The following ZCCHC4 variants were observed in gnomAD, a reference collection of about 807,000 sequenced individuals.
ZCCHC4 encodes rRNA N(6)-adenosine-methyltransferase ZCCHC4.
Under a neutral mutation model 67.7 loss-of-function variants are expected in ZCCHC4, and 54 were observed. The ratio of observed to expected loss-of-function variants is 0.80; its 90% CI spans 0.64 to 1.00. The LOEUF is 1.00. ZCCHC4 is among the 50% of genes least tolerant of loss of function. The pLI is 0.00. For synonymous variants in ZCCHC4, 198 were observed against 213.5 expected, an observed-to-expected ratio of 0.93 and a Z score of 0.63; for missense variants, 609 against 617.0, an observed-to-expected ratio of 0.99 and a Z score of 0.14.
intron 3 of ZCCHC4, among the ~76,000 whole-genome samples, chr4:25,318,672 C>A (rs953936083): frequency 3.3e-5 from 5 of 151,910 alleles, no homozygotes; most frequent in African/African-American, 1.2e-4. Context: ...CTGTTCTTAT[C>A]TTTGTAGTGC....
chr4:25,343,321 A>G (rs1352832971), intron 5 of ZCCHC4, among the ~76,000 whole-genome samples: 3 of 152,220 alleles, frequency 2.0e-5, no homozygotes, highest in Non-Finnish European at 4.4e-5. Context: ...CTTAAATGAC[A>G]TTAAAGGATA....
chr4:25,339,367 A>G (rs1211402714), intron 5 of ZCCHC4, among the ~76,000 whole-genome samples: 2 of 152,082 alleles, frequency 1.3e-5, no homozygotes, highest in African/African-American at 4.8e-5. Flanking sequence ...CAGCCAAACT[A>G]TTTTCCAAAG....
chr4:25,343,416 C>T (rs1287858314), intron 5 of ZCCHC4, among the ~76,000 whole-genome samples: 1 of 152,100 alleles, frequency 6.6e-6, no homozygotes, highest in Non-Finnish European at 1.5e-5. Context: ...TGAACATAAA[C>T]ATAATTCCCT....
At chr4:25,327,720 G>A (rs866117693) in intron 3 of ZCCHC4, among the ~76,000 whole-genome samples, 13 of 152,166 alleles carry the variant, frequency 8.5e-5, no homozygotes, top group Admixed American at 2.0e-4. Flanking sequence ...GGCTCAAGCC[G>A]TCCTCCTGCC....
Position 25,362,907 on chromosome 4 carries a change from A to G in ZCCHC4, c.1209+606A>G, listed in dbSNP as rs563859775. Reference sequence around the variant, plus strand: ...CAGCAAAATTGAGCAGAAGGTACAGAGATTCCCCCTATGTCCCCTGCCCCG... The same window carrying G: ...CAGCAAAATTGAGCAGAAGGTACAGGGATTCCCCCTATGTCCCCTGCCCCG... On this transcript the variant is annotated intron_variant, in intron 10 of 12. Coordinates refer to ENST00000302874, the MANE Select transcript of ZCCHC4 (RefSeq NM_024936.3). 4.1e-4 allele frequency among the ~76,000 whole-genome samples: 63 copies of G among 152,232 alleles called. 2 individuals carry two copies. In the South Asian group the frequency reaches 0.013, roughly 32 times the overall value.
In ZCCHC4 at chr4:25,354,244, A is replaced by G. The variant is rs139242354; in HGVS notation, c.1011+2555A>G. Among the ~76,000 whole-genome samples the G allele has an allele frequency of 8.2e-3, 1,244 of 152,306 alleles. 10 individuals are homozygous for G. Among genetic ancestry groups the G allele is most frequent in the Non-Finnish European group, 0.013 (896 of 68,016 alleles). On this transcript the variant is annotated intron_variant, in intron 8 of 12. Coordinates refer to ENST00000302874, the MANE Select transcript of ZCCHC4 (RefSeq NM_024936.3). Reference sequence around the variant, plus strand: ...CACTTGTTAGGCAGTCTGTGTTACTAGGAAAGAACTTTTGGAAATATTAGG... The same window carrying G: ...CACTTGTTAGGCAGTCTGTGTTACTGGGAAAGAACTTTTGGAAATATTAGG...
intron 8 of ZCCHC4, 135 bp from the exon 9 acceptor site, chr4:25,361,724 C>G (rs574384409): frequency 1.1e-6 from 1 of 906,846 alleles, no homozygotes; most frequent in African/African-American, 1.7e-5. Flanking sequence ...TCAGCTTGGA[C>G]TGGAACCTGA....
At chr4:25,365,300 A>G in intron 12 of ZCCHC4, 134 bp downstream of exon 12, 9 of 1,449,988 alleles carry the variant, frequency 6.2e-6, no homozygotes, top group African/African-American at 1.4e-5. Context: ...TACTGGCTGC[A>G]TAGATGGATG....
chr4:25,334,821 A>G (rs981353582), intron 5 of ZCCHC4, among the ~76,000 whole-genome samples: 1 of 152,100 alleles, frequency 6.6e-6, no homozygotes, highest in African/African-American at 2.4e-5. Flanking sequence ...TCTGCTTCCT[A>G]AAAACAAAGA....
intron 3 of ZCCHC4, among the ~76,000 whole-genome samples, chr4:25,322,047 A>G (rs1408538746): frequency 6.6e-6 from 1 of 152,224 alleles, no homozygotes; most frequent in Non-Finnish European, 1.5e-5. Context: ...GCTGACGGCA[A>G]TTATAAATCA....
At chr4:25,366,994 ACTC>A (rs1484498064) in intron 12 of ZCCHC4, among the ~76,000 whole-genome samples, 3 of 152,074 alleles carry the variant, frequency 2.0e-5, no homozygotes, top group Admixed American at 6.6e-5. Flanking sequence ...AGACACCTAA[ACTC>A]CTGTTAATAG....
Position 25,369,206 on chromosome 4 carries a change from C to T in ZCCHC4, c.*42C>T. The T allele has an allele frequency of 6.2e-7, 1 of 1,600,618 alleles. No individual in the cohort carries two copies. Among genetic ancestry groups the T allele is most frequent in the Non-Finnish European group, 8.5e-7 (1 of 1,176,878 alleles). ...GAATAAGAAAGATTTATGGTCCAAC[C>T]TTTGATGCCATTTTCTGAAAGTGCC... On this transcript the variant is annotated 3_prime_UTR_variant, in exon 13 of 13. Coordinates refer to ENST00000302874, the MANE Select transcript of ZCCHC4 (RefSeq NM_024936.3).
intron 3 of ZCCHC4, 94 bp from the exon 4 acceptor site, chr4:25,333,089 A>G: frequency 1.5e-6 from 2 of 1,317,924 alleles, no homozygotes. Context: ...TTAGGAAGTA[A>G]AAATACTTTT....
At chr4:25,360,872 G>A (rs919718418) in intron 8 of ZCCHC4, among the ~76,000 whole-genome samples, 1 of 152,204 alleles carries the variant, frequency 6.6e-6, no homozygotes, top group Non-Finnish European at 1.5e-5. Flanking sequence ...GTCCAACCTA[G>A]TACTGATACC....
intron 3 of ZCCHC4, among the ~76,000 whole-genome samples, chr4:25,332,617 T>G (rs1281591917): frequency 6.6e-6 from 1 of 152,162 alleles, no homozygotes; most frequent in Non-Finnish European, 1.5e-5. Context: ...GGATATTCAG[T>G]GTAGTCTTTT....
Position 25,323,224 on chromosome 4 carries a change from ATTC to A in ZCCHC4, c.329+7829_329+7831del, listed in dbSNP as rs892217713. ...ATTGTTTATGCATTCATTAGCTGTA[ATTC>A]TTCTGTAAAAAAGAACTTTGTTTCA... On this transcript the variant is annotated intron_variant, in intron 3 of 12. Transcript: ENST00000302874. Among the ~76,000 whole-genome samples the A allele has an allele frequency of 6.6e-5, 10 of 152,296 alleles. No homozygotes were observed. In the East Asian group the frequency reaches 1.5e-3, roughly 23 times the overall value.
intron 10 of ZCCHC4, among the ~76,000 whole-genome samples, chr4:25,363,541 T>C (rs1720833090): frequency 6.6e-6 from 1 of 152,228 alleles, no homozygotes; most frequent in Admixed American, 6.5e-5. Flanking sequence ...TGAAGTTTAG[T>C]TTGGCTCATA....
intron 12 of ZCCHC4, chr4:25,366,400 C>T: frequency 2.1e-6 from 1 of 472,714 alleles, no homozygotes; most frequent in Non-Finnish European, 2.8e-6. Flanking sequence ...ACTGTAAGCT[C>T]CGCCTCCCGG....
intron 3 of ZCCHC4, among the ~76,000 whole-genome samples, 188 bp downstream of exon 3, chr4:25,315,588 G>T (rs1022950770): frequency 3.3e-5 from 5 of 151,934 alleles, no homozygotes; most frequent in Admixed American, 3.3e-4. Flanking sequence ...TCATGTTGTT[G>T]TGTAACCATT....
Sources: allele counts gnomAD v4.1 joint callset (sites outside exome capture counted in the v4.1 genomes callset), GRCh38; gene constraint gnomAD v4.1.1; transcripts MANE v1.5; gene names NCBI Gene and HGNC (gene_info 2026-07-23, HGNC 2026-07-21).